The following CSMD1 variants were observed in gnomAD, a reference collection of about 807,000 sequenced individuals.
The protein encoded by CSMD1 is CUB and Sushi multiple domains 1.
CSMD1 carries 213 observed loss-of-function variants against 417.5 expected under a neutral mutation model. The observed-to-expected ratio is 0.51, with a 90% CI of 0.46 to 0.57. The LOEUF (loss-of-function observed/expected upper bound fraction) is 0.57, where lower values mean the gene tolerates loss of function less well. Among genes scored for constraint, CSMD1 ranks in the 20% least tolerant of loss-of-function variants. The probability of loss-of-function intolerance (pLI) is 0.00; values close to 1 mark genes in which losing one functional copy is unlikely to be tolerated. For missense variants in CSMD1, 6,923 were observed against 4,529.7 expected (o/e 1.53, Z -15.17); for synonymous variants, 2,862 against 1,736.8 (o/e 1.65, Z -16.11).
At chr8:3,672,400 C>A (rs1043590553) in intron 7 of CSMD1, among the ~76,000 whole-genome samples, 1 of 152,138 alleles carries the variant, frequency 6.6e-6, no homozygotes. Flanking sequence ...AACCACAGCT[C>A]AGAAAACATA....
chr8:3,478,038 T>C lies in CSMD1; in HGVS notation c.1449-9214A>G, dbSNP rs545234291. Among the ~76,000 whole-genome samples, 20 of 152,344 alleles carry C rather than the reference T, an allele frequency of 1.3e-4. 1 individual carries two copies. In the South Asian group the frequency reaches 3.7e-3, roughly 28 times the overall value. ...TAATTCATACATATACTGAAGTTACTATCATTTCCCCACTGGCATCAACAT... is the reference window on the plus strand; with the variant it reads ...TAATTCATACATATACTGAAGTTACCATCATTTCCCCACTGGCATCAACAT... On this transcript the variant is annotated intron_variant, in intron 11 of 69. Transcript: ENST00000635120.
chr8:4,694,696 C>T (rs974475037), intron 1 of CSMD1, among the ~76,000 whole-genome samples: 17 of 152,078 alleles, frequency 1.1e-4, no homozygotes, highest in Non-Finnish European at 1.8e-4. Flanking sequence ...ATTGATGTCT[C>T]ATGTTTCCCT....
chr8:4,759,370 A>T (rs770742597), intron 1 of CSMD1, among the ~76,000 whole-genome samples: 11 of 152,218 alleles, frequency 7.2e-5, no homozygotes, highest in Non-Finnish European at 1.3e-4. Context: ...CAGGGCCAGC[A>T]TGCAAGAGGC....
At chr8:4,050,444 A>C (rs746771193) in intron 3 of CSMD1, among the ~76,000 whole-genome samples, 3 of 152,104 alleles carry the variant, frequency 2.0e-5, no homozygotes, top group Non-Finnish European at 4.4e-5. Context: ...ATACATACTT[A>C]TGGGGTACAT....
chr8:4,063,503 G>T (rs2554701), intron 3 of CSMD1, among the ~76,000 whole-genome samples: 1 of 152,216 alleles, frequency 6.6e-6, no homozygotes. Context: ...AAACAAAACA[G>T]AACTATTCTG....
chr8:4,364,632 G>T (rs1168530077), intron 3 of CSMD1, among the ~76,000 whole-genome samples: 1 of 20,008 alleles, frequency 5.0e-5, no homozygotes, highest in Non-Finnish European at 8.2e-5. Flanking sequence ...AGACCATCCC[G>T]GCTAAAACGG....
At chr8:3,541,029 GTA>G (rs1467164664) in intron 10 of CSMD1, among the ~76,000 whole-genome samples, 2 of 152,162 alleles carry the variant, frequency 1.3e-5, no homozygotes, top group African/African-American at 4.8e-5. Flanking sequence ...CCATTACTGG[GTA>G]TATACCCAAA....
intron 1 of CSMD1, among the ~76,000 whole-genome samples, chr8:4,971,193 G>C (rs973310840): frequency 6.6e-6 from 1 of 151,916 alleles, no homozygotes; most frequent in Non-Finnish European, 1.5e-5. Context: ...CAAAGCATAT[G>C]CTGACATAAT....
At chr8:3,982,200 A>ATAATAATG (rs1585074761) in intron 5 of CSMD1, among the ~76,000 whole-genome samples, 3 of 145,668 alleles carry the variant, frequency 2.1e-5, no homozygotes, top group African/African-American at 7.7e-5. Flanking sequence ...TATTAATAAA[A>ATAATAATG]AAAATAATAA....
At position 3,285,388 on chromosome 8, in the gene CSMD1, CT is replaced by C. The variant is rs147849935; in HGVS notation, c.3951-1043del. Among the ~76,000 whole-genome samples the C allele has an allele frequency of 6.2e-3, 909 of 146,782 alleles. 7 individuals are homozygous for C. The highest frequency in any genetic ancestry group is 0.018 in the Admixed American group (267 of 14,594). On this transcript the variant is annotated intron_variant, in intron 25 of 69. Coordinates refer to ENST00000635120, the MANE Select transcript of CSMD1 (RefSeq NM_033225.6). ...ACATTTTGCCCTATTTTTGTCAGAA[CT>C]TTTTTTTTTTTTCTAGAGATGGGAT...
At chr8:3,459,246 G>C (rs748828093) in intron 12 of CSMD1, among the ~76,000 whole-genome samples, 1 of 152,196 alleles carries the variant, frequency 6.6e-6, no homozygotes, top group Non-Finnish European at 1.5e-5. Flanking sequence ...GGTGCACGAA[G>C]AGGCTGACTC....
At chr8:3,657,143 T>G (rs1432491352) in intron 7 of CSMD1, among the ~76,000 whole-genome samples, 1 of 152,114 alleles carries the variant, frequency 6.6e-6, no homozygotes, top group African/African-American at 2.4e-5. Flanking sequence ...TCCCTAGCAT[T>G]TGGCTACAAA....
At chr8:4,365,183 CAAT>C (rs1294817805) in intron 3 of CSMD1, among the ~76,000 whole-genome samples, 1 of 152,056 alleles carries the variant, frequency 6.6e-6, no homozygotes, top group Non-Finnish European at 1.5e-5. Context: ...GTTTTGCTCA[CAAT>C]AAATATTTGC....
At chr8:4,517,683 A>C (rs550020101) in intron 2 of CSMD1, among the ~76,000 whole-genome samples, 1 of 152,362 alleles carries the variant, frequency 6.6e-6, no homozygotes, top group South Asian at 2.1e-4. Flanking sequence ...ATATGTTAAT[A>C]ATCAAACACT....
intron 1 of CSMD1, among the ~76,000 whole-genome samples, chr8:4,853,789 AC>A (rs1475283756): frequency 6.6e-6 from 1 of 152,130 alleles, no homozygotes; most frequent in East Asian, 1.9e-4. Flanking sequence ...GCCACACTGC[AC>A]CCCACAAAGC....
chr8:4,629,717 T>C (rs1475476258), intron 2 of CSMD1, among the ~76,000 whole-genome samples: 1 of 152,210 alleles, frequency 6.6e-6, no homozygotes, highest in Non-Finnish European at 1.5e-5. Context: ...ATCTAACATA[T>C]TTATTTTGCT....
intron 1 of CSMD1, among the ~76,000 whole-genome samples, chr8:4,829,608 G>C (rs796830253): frequency 1.7e-4 from 26 of 152,108 alleles, no homozygotes; most frequent in African/African-American, 5.8e-4. Context: ...GGGCACAGTG[G>C]TCATGCCTGT....
intron 5 of CSMD1, among the ~76,000 whole-genome samples, chr8:3,983,645 T>C (rs1814081142): frequency 1.3e-5 from 2 of 152,224 alleles, no homozygotes; most frequent in African/African-American, 2.4e-5. Context: ...AGCCCACGTG[T>C]ATCATGATAG....
At chr8:4,622,953 C>T (rs182170780) in intron 2 of CSMD1, among the ~76,000 whole-genome samples, 242 of 152,068 alleles carry the variant, frequency 1.6e-3, no homozygotes, top group Admixed American at 2.6e-3. Flanking sequence ...CAGTTAAATT[C>T]AAAGTTTTTT....
Sources: gnomAD v4.1 joint callset for allele counts (sites outside exome capture counted in the v4.1 genomes callset) on GRCh38, gnomAD v4.1.1 for gene constraint, MANE v1.5 for transcripts, NCBI Gene and HGNC (gene_info 2026-07-23, HGNC 2026-07-21) for gene names.